Variants in UTRN observed in about 807,000 individuals in gnomAD.
UTRN encodes utrophin, also known as dystrophin-related protein 1.
Under a neutral mutation model 463.9 loss-of-function variants are expected in UTRN, and 283 were observed. The observed-to-expected ratio is 0.61, with a 90% CI of 0.55 to 0.67. UTRN has a LOEUF of 0.67. UTRN is among the 30% of genes least tolerant of loss of function. UTRN has a pLI of 0.00. For synonymous variants in UTRN, 1,442 were observed against 1,431.5 expected (o/e 1.01, Z -0.17); for missense variants, 3,922 against 4,084.3 (o/e 0.96, Z 1.08).
chr6:144,411,685 C>G (rs975757760), intron 3 of UTRN, among the ~76,000 whole-genome samples: 1 of 152,072 alleles, frequency 6.6e-6, no homozygotes, highest in East Asian at 1.9e-4. Context: ...TTTACTGATT[C>G]GGAGTGTTCT....
intron 65 of UTRN, among the ~76,000 whole-genome samples, chr6:144,811,102 A>T (rs1471483610): frequency 6.6e-6 from 1 of 152,016 alleles, no homozygotes; most frequent in Non-Finnish European, 1.5e-5. Flanking sequence ...TAAAAGATAA[A>T]TTGTGCCTTT....
At chr6:144,846,135 C>G (rs112917616) in intron 73 of UTRN, among the ~76,000 whole-genome samples, 4,622 of 152,272 alleles carry the variant, frequency 0.03, 201 homozygotes, top group African/African-American at 0.095. Flanking sequence ...AGTGGCTGCC[C>G]TTGCAAAGCC....
chr6:144,354,430 C>G (rs1030882688), intron 2 of UTRN, among the ~76,000 whole-genome samples: 4 of 152,206 alleles, frequency 2.6e-5, no homozygotes, highest in Admixed American at 1.3e-4. Context: ...GTTTTCTGTG[C>G]TGCAGCATCC....
At chr6:144,350,647 T>C (rs941633431) in intron 2 of UTRN, among the ~76,000 whole-genome samples, 1 of 152,244 alleles carries the variant, frequency 6.6e-6, no homozygotes, top group South Asian at 2.1e-4. Context: ...TCTCTGCATA[T>C]GTTTATTGGC....
Position 144,437,631 on chromosome 6 carries a change from C to T in UTRN, c.1126C>T (p.Leu376=), listed in dbSNP as rs149338144. The T allele has an allele frequency of 1.3e-4, 208 of 1,613,942 alleles. No homozygotes were observed. Among genetic ancestry groups the T allele is most frequent in the Non-Finnish European group, 1.7e-4 (206 of 1,180,022 alleles). ...CAGCGTCCTGCAGGCAGGCAACCAA[C>T]TGATAACACAAGGAACTCTGTCAGA... ...VGSVLQAGNQ[L]ITQGTLSDEE... The change falls in exon 11 of 75, where the codon CTG becomes TTG. Residue 376 remains leucine, a synonymous_variant. Transcript: ENST00000367545.
At chr6:144,356,940 T>TTA (rs59010918) in intron 2 of UTRN, among the ~76,000 whole-genome samples, 139,796 of 151,996 alleles carry the variant, frequency 0.92, 64,423 homozygotes, top group African/African-American at 0.98. Flanking sequence ...TAGGATTTCT[T>TTA]TATAGTTAAA....
At chr6:144,450,709 A>G (rs4895643) in intron 17 of UTRN, among the ~76,000 whole-genome samples, 57,577 of 152,114 alleles carry the variant, frequency 0.38, 11,459 homozygotes, top group East Asian at 0.55. Flanking sequence ...TAACTTTAGT[A>G]ATGTCTGTAC....
intron 52 of UTRN, among the ~76,000 whole-genome samples, chr6:144,685,809 T>C (rs1562763962): frequency 6.6e-6 from 1 of 152,138 alleles, no homozygotes; most frequent in Non-Finnish European, 1.5e-5. Flanking sequence ...GGGTGCATTG[T>C]TTACAAATAT....
At chr6:144,730,057 G>A (rs1210659619) in intron 53 of UTRN, among the ~76,000 whole-genome samples, 2 of 152,236 alleles carry the variant, frequency 1.3e-5, no homozygotes, top group Non-Finnish European at 2.9e-5. Context: ...TGACATCAGT[G>A]AAAATCCTAA....
intron 40 of UTRN, among the ~76,000 whole-genome samples, chr6:144,522,587 C>A (rs1367649093): frequency 6.6e-6 from 1 of 152,130 alleles, no homozygotes; most frequent in Non-Finnish European, 1.5e-5. Flanking sequence ...TCTAGCAAGG[C>A]ATTTTCATGT....
intron 2 of UTRN, among the ~76,000 whole-genome samples, chr6:144,343,514 C>T (rs938237932): frequency 3.3e-5 from 5 of 151,790 alleles, no homozygotes; most frequent in African/African-American, 4.8e-5. Flanking sequence ...GAGCTGAGAT[C>T]ATGCCATTGC....
At chr6:144,306,333 T>C (rs978480834) in intron 2 of UTRN, among the ~76,000 whole-genome samples, 7 of 151,976 alleles carry the variant, frequency 4.6e-5, no homozygotes, top group African/African-American at 9.7e-5. Context: ...TGGAGGACCT[T>C]TGGGTGGCTG....
intron 26 of UTRN, among the ~76,000 whole-genome samples, chr6:144,481,617 G>A (rs1260706012): frequency 6.6e-6 from 1 of 152,162 alleles, no homozygotes; most frequent in African/African-American, 2.4e-5. Flanking sequence ...TTCTGATCTT[G>A]GACCCAGACT....
At position 144,285,668 on chromosome 6, in the gene UTRN, C is replaced by T. The variant is rs1803598767; in HGVS notation, c.-246C>T. ...AAATTTCGGTTCGTGTCTGCTTCTC[C>T]AAGCTTTATTTTTTTTTTTAAATAC... On this transcript the variant is annotated 5_prime_UTR_variant, in exon 1 of 75. Coordinates refer to ENST00000367545, the MANE Select transcript of UTRN (RefSeq NM_007124.3). 6.6e-6 allele frequency: 1 copy of T among 152,124 alleles called. No homozygotes were observed. The highest frequency in any genetic ancestry group is 1.5e-5 in the Non-Finnish European group (1 of 68,050). The allele number at this position is 152,124 out of a possible 1,614,324, so 9.4% of individuals were successfully genotyped here. A position where few individuals can be genotyped will look rare whatever the true frequency, so the allele number is the denominator to read the frequency against.
At chr6:144,385,417 T>C (rs777151559) in intron 2 of UTRN, among the ~76,000 whole-genome samples, 1 of 152,174 alleles carries the variant, frequency 6.6e-6, no homozygotes, top group Non-Finnish European at 1.5e-5. Context: ...AGTCTAAAAA[T>C]ATGAAAGTGG....
At chr6:144,310,324 G>A (rs1438653754) in intron 2 of UTRN, among the ~76,000 whole-genome samples, 1 of 151,730 alleles carries the variant, frequency 6.6e-6, no homozygotes, top group Non-Finnish European at 1.5e-5. Flanking sequence ...ATCACCTGAG[G>A]TTGGGAGTTG....
intron 65 of UTRN, among the ~76,000 whole-genome samples, chr6:144,811,458 T>C (rs548109094): frequency 1.3e-5 from 2 of 152,276 alleles, no homozygotes; most frequent in East Asian, 3.9e-4. Flanking sequence ...TTACATCGTT[T>C]TACCAGTAGG....
intron 51 of UTRN, among the ~76,000 whole-genome samples, chr6:144,648,091 T>A (rs1207065734): frequency 1.3e-5 from 2 of 152,200 alleles, no homozygotes; most frequent in Non-Finnish European, 2.9e-5. Flanking sequence ...GAGTAGAGCA[T>A]GTATGGGTTA....
chr6:144,482,658 A>G (rs1445543951), intron 27 of UTRN, among the ~76,000 whole-genome samples: 1 of 152,144 alleles, frequency 6.6e-6, no homozygotes, highest in African/African-American at 2.4e-5. Context: ...TGTATATTCA[A>G]ACTTTACTTT....
Sources: allele counts gnomAD v4.1 joint callset (sites outside exome capture counted in the v4.1 genomes callset), GRCh38; gene constraint gnomAD v4.1.1; transcripts MANE v1.5; gene names NCBI Gene and HGNC (gene_info 2026-07-23, HGNC 2026-07-21).